SFTPD: variants seen among roughly 807,000 people sequenced by gnomAD.
The protein encoded by SFTPD is pulmonary surfactant-associated protein D.
Under a neutral mutation model 34.6 loss-of-function variants are expected in SFTPD, and 18 were observed. The ratio of observed to expected loss-of-function variants is 0.52; its 90% confidence interval spans 0.36 to 0.77. The LOEUF (loss-of-function observed/expected upper bound fraction) is 0.77, where lower values mean the gene tolerates loss of function less well. SFTPD is among the 30% of genes least tolerant of loss of function. The pLI is 0.00. For synonymous variants in SFTPD, 155 were observed against 180.9 expected (o/e 0.86, Z 1.15); for missense variants, 433 against 468.9 (o/e 0.92, Z 0.71).
At position 79,960,227 on chromosome 10, in the gene SFTPD, A is replaced by G. The variant is rs1194807177; in HGVS notation, c.37-13565T>C. On this transcript the variant is annotated intron_variant, in intron 1 of 5. Transcript: ENST00000444384. ...AAAACTGGAAGCATTCCCTTTGAAA[A>G]CTGGCACAAGACAGGGATGCCCTCT... is the stretch of plus-strand genomic sequence containing the variant. 2.1e-5 allele frequency among the ~76,000 whole-genome samples: 3 copies of G among 144,344 alleles called. No individual in the cohort carries two copies. The East Asian group carries it at 6.1e-4, about 30-fold the overall frequency. The allele number at this position is 144,344 out of a possible 152,430, so 94.7% of individuals were successfully genotyped here. A position where few individuals can be genotyped will look rare whatever the true frequency, so the allele number is the denominator to read the frequency against.
intron 1 of SFTPD, chr10:79,972,463 C>T (rs1842840568): frequency 6.6e-6 from 1 of 152,502 alleles, no homozygotes; most frequent in African/African-American, 2.4e-5. Context: ...CACACCACTG[C>T]ACTCCAGCCT....
In SFTPD at chr10:79,941,520, G is replaced by A. The variant is rs780681919; in HGVS notation, c.551-6C>T. 1 of 1,584,154 alleles carries A rather than the reference G, an allele frequency of 6.3e-7. No homozygotes were observed. Among genetic ancestry groups the A allele is most frequent in the South Asian group, 1.1e-5 (1 of 87,640 alleles). On this transcript the variant is annotated splice_polypyrimidine_tract_variant and splice_region_variant and intron_variant, in intron 5 of 7. Transcript: ENST00000372292. ...ACCCATGGCTCCAGCAGACCCTGGG[G>A]TAAAAGAAGAACTGGGTGAGCTATG...
At chr10:79,977,834 TTTC>T (rs1842871255) in intron 1 of SFTPD, among the ~76,000 whole-genome samples, 1 of 143,600 alleles carries the variant, frequency 7.0e-6, no homozygotes, top group African/African-American at 2.6e-5. Context: ...CCTCTCTTTC[TTTC>T]ATTATCTTCA....
Position 79,956,182 on chromosome 10 carries a change from T to G in SFTPD, c.37-9520A>C, listed in dbSNP as rs184841718. Among the ~76,000 whole-genome samples, 409 of 152,340 alleles carry G rather than the reference T, an allele frequency of 2.7e-3. 2 individuals are homozygous for G. Among genetic ancestry groups the G allele is most frequent in the African/African-American group, 9.5e-3 (397 of 41,578 alleles). On this transcript the variant is annotated intron_variant, in intron 1 of 5. Transcript: ENST00000444384. ...CACCAAAATGGGGATGGAGCCAAGA[T>G]GGCCGAATAGGAACAGCTCCAGTCT... is the stretch of plus-strand genomic sequence containing the variant.
chr10:79,969,674 T>C (rs1452911772), intron 1 of SFTPD: 1 of 152,192 alleles, frequency 6.6e-6, no homozygotes, highest in Non-Finnish European at 1.5e-5. Context: ...TTTTTTTATA[T>C]ACCTCTTGGC....
chr10:79,959,753 C>G (rs1375806627), intron 1 of SFTPD, among the ~76,000 whole-genome samples: 1 of 152,162 alleles, frequency 6.6e-6, no homozygotes, highest in Non-Finnish European at 1.5e-5. Context: ...TGAAACTATT[C>G]CAATCAATAG....
chr10:79,942,572 G>A, intron 3 of SFTPD, 68 bp from the exon 4 acceptor site: 7 of 1,119,184 alleles, frequency 6.3e-6, no homozygotes, highest in Non-Finnish European at 9.6e-6. Flanking sequence ...GTAGTAAGGT[G>A]AGGGTAATAA....
At chr10:79,939,128 G>T (rs1291600933) in intron 7 of SFTPD, among the ~76,000 whole-genome samples, 1 of 152,220 alleles carries the variant, frequency 6.6e-6, no homozygotes, top group African/African-American at 2.4e-5. Flanking sequence ...CCTTTTCAGG[G>T]TTTCCATTTC....
intron 1 of SFTPD, among the ~76,000 whole-genome samples, chr10:79,974,928 C>T (rs963130846): frequency 1.3e-5 from 2 of 152,132 alleles, no homozygotes; most frequent in African/African-American, 4.8e-5. Context: ...TATAGACATT[C>T]GATTAACTAA....
At chr10:79,958,928 A>G (rs1288179818) in intron 1 of SFTPD, among the ~76,000 whole-genome samples, 2 of 152,134 alleles carry the variant, frequency 1.3e-5, no homozygotes, top group Non-Finnish European at 2.9e-5. Flanking sequence ...AAAGAACAGA[A>G]ATTATAACAA....
At chr10:79,955,887 C>A (rs1284148431) in intron 1 of SFTPD, among the ~76,000 whole-genome samples, 1 of 152,202 alleles carries the variant, frequency 6.6e-6, no homozygotes, top group Non-Finnish European at 1.5e-5. Context: ...GGTATTACTT[C>A]TGTCTCCTGC....
intron 1 of SFTPD, among the ~76,000 whole-genome samples, chr10:79,976,852 G>C (rs1424528427): frequency 6.6e-6 from 1 of 152,166 alleles, no homozygotes; most frequent in Non-Finnish European, 1.5e-5. Flanking sequence ...AGGGACCCAG[G>C]AGGAGGTAAT....
chr10:79,955,679 G>A (rs1043382492), intron 1 of SFTPD, among the ~76,000 whole-genome samples: 1 of 152,214 alleles, frequency 6.6e-6, no homozygotes, highest in Non-Finnish European at 1.5e-5. Context: ...GCATATGCAG[G>A]TTCTATGAAT....
chr10:79,949,856 ATTT>A (rs5786427), upstream of SFTPD, among the ~76,000 whole-genome samples: 21,952 of 146,136 alleles, frequency 0.15, 2,019 homozygotes, highest in East Asian at 0.42. Flanking sequence ...GTCTGTATGT[ATTT>A]TTTTTTTTTT....
intron 2 of SFTPD, among the ~76,000 whole-genome samples, chr10:79,945,576 C>T (rs903181087): frequency 6.6e-6 from 1 of 152,224 alleles, no homozygotes; most frequent in Non-Finnish European, 1.5e-5. Context: ...AAGCGGGGAG[C>T]AGTATTTCCA....
At chr10:79,952,512 G>A (rs1213994322), upstream of SFTPD, among the ~76,000 whole-genome samples, 6 of 152,174 alleles carry the variant, frequency 3.9e-5, no homozygotes, top group South Asian at 1.2e-3. Context: ...CACACGTGGG[G>A]AGCTCTTAGG....
At chr10:79,962,823 C>A (rs973817518) in intron 1 of SFTPD, among the ~76,000 whole-genome samples, 5 of 151,846 alleles carry the variant, frequency 3.3e-5, no homozygotes, top group Non-Finnish European at 7.4e-5. Flanking sequence ...TAAATTTAAC[C>A]CACTCTTTTT....
upstream of SFTPD, among the ~76,000 whole-genome samples, chr10:79,952,634 C>T (rs769278717): frequency 6.6e-6 from 1 of 152,112 alleles, no homozygotes; most frequent in African/African-American, 2.4e-5. Flanking sequence ...CCCCAGGGTC[C>T]CACCCGTCCC....
intron 1 of SFTPD, chr10:79,981,861 A>G: frequency 4.1e-6 from 1 of 243,270 alleles, no homozygotes; most frequent in Non-Finnish European, 7.9e-6. Flanking sequence ...AACCTAAACC[A>G]GAGGCAGCCA....
Sources: gnomAD v4.1 joint callset for allele counts (sites outside exome capture counted in the v4.1 genomes callset) on GRCh38, gnomAD v4.1.1 for gene constraint, MANE v1.5 for transcripts, NCBI Gene and HGNC (gene_info 2026-07-23, HGNC 2026-07-21) for gene names.